LYN: variants seen among roughly 807,000 people sequenced by gnomAD.
The protein encoded by LYN is tyrosine-protein kinase Lyn.
In LYN, 12 loss-of-function variants were observed where a neutral mutation model predicts 65.0. The observed-to-expected ratio is 0.18, with a 90% confidence interval of 0.12 to 0.30. The LOEUF is 0.30. Ranked by LOEUF, LYN falls within the 10% of genes least tolerant of loss-of-function variation. The pLI, the probability that LYN is intolerant of heterozygous loss-of-function variation, is 1.00. For missense variants in LYN, 380 were observed against 623.2 expected, an observed-to-expected ratio of 0.61 and a Z score of 4.16; for synonymous variants, 222 against 221.2, an observed-to-expected ratio of 1.00 and a Z score of -0.03.
At chr8:55,909,703 T>C (rs1805543162) in intron 1 of LYN, among the ~76,000 whole-genome samples, 1 of 152,234 alleles carries the variant, frequency 6.6e-6, no homozygotes, top group Admixed American at 6.5e-5. Context: ...TTGTACTAAT[T>C]TGTATTCCCA....
At chr8:55,950,902 T>C in intron 6 of LYN, 118 bp downstream of exon 6, 1 of 703,158 alleles carries the variant, frequency 1.4e-6, no homozygotes, top group Non-Finnish European at 2.4e-6. Flanking sequence ...AGTAAAAGTT[T>C]TATGGTTTGA....
Position 56,011,521 on chromosome 8 carries a change from A to G in LYN, c.*1411A>G, listed in dbSNP as rs1250958304. On this transcript the variant is annotated 3_prime_UTR_variant, in exon 13 of 13. Transcript: ENST00000519728. ...GCCCAAGTTCTACCTCCTTCCTTTG[A>G]ACATTTCAGATTGGAGAACCAAGGA... The G allele has an allele frequency of 5.2e-6, 1 of 193,484 alleles. No homozygotes were observed. The highest frequency in any genetic ancestry group is 1.1e-5 in the Non-Finnish European group (1 of 92,934). The allele number at this position is 193,484 out of a possible 1,614,324, so 12.0% of individuals were successfully genotyped here.
At position 56,009,821 on chromosome 8, in the gene LYN, G is replaced by A. The variant is rs1040154178; in HGVS notation, c.1337-87G>A. 7 of 1,023,700 alleles carry A rather than the reference G, an allele frequency of 6.8e-6. No individual in the cohort carries two copies. The African/African-American group carries it at 9.6e-5, about 14-fold the overall frequency. 63.4% of individuals were successfully genotyped at this position (1,023,700 alleles called of 1,614,324 possible). A position where few individuals can be genotyped will look rare whatever the true frequency, so the allele number is the denominator to read the frequency against. On this transcript the variant is annotated intron_variant, in intron 12 of 12. Coordinates refer to ENST00000519728, the MANE Select transcript of LYN (RefSeq NM_002350.4). Reference sequence around the variant, plus strand: ...TTCAATCATGGTTACAGGATGTGAGGAGCAAAAAGACCACTGCAGTGCTTG... The same window carrying A: ...TTCAATCATGGTTACAGGATGTGAGAAGCAAAAAGACCACTGCAGTGCTTG...
Position 55,915,533 on chromosome 8 carries a change from C to T in LYN, c.-5-26322C>T, listed in dbSNP as rs183856481. Among the ~76,000 whole-genome samples the T allele has an allele frequency of 3.4e-3, 516 of 152,032 alleles. 3 individuals are homozygous for T. The highest frequency in any genetic ancestry group is 0.011 in the African/African-American group (470 of 41,450). On this transcript the variant is annotated intron_variant, in intron 1 of 12. Coordinates refer to ENST00000519728, the MANE Select transcript of LYN (RefSeq NM_002350.4). ...CAGCCTGGTCAACATGGTGAAACCC[C>T]GTCTCTACTAAAAATACAAAAAATT...
At chr8:55,909,042 CACACACA>C (rs1563504940) in intron 1 of LYN, among the ~76,000 whole-genome samples, 8 of 80,524 alleles carry the variant, frequency 9.9e-5, no homozygotes, top group East Asian at 7.8e-4. Flanking sequence ...CACACACACA[CACACACA>C]CACCCCACAT....
intron 1 of LYN, among the ~76,000 whole-genome samples, chr8:55,936,735 T>C (rs1806447632): frequency 6.6e-6 from 1 of 152,308 alleles, no homozygotes; most frequent in Admixed American, 6.5e-5. Context: ...TTAAAGACAA[T>C]GTATTGTATA....
intron 8 of LYN, among the ~76,000 whole-genome samples, chr8:55,956,794 G>A (rs1563528489): frequency 6.6e-6 from 1 of 152,148 alleles, no homozygotes; most frequent in Non-Finnish European, 1.5e-5. Context: ...TGAGAGTATT[G>A]GCAGGAAAAC....
At chr8:55,994,463 C>A (rs1431988698) in intron 10 of LYN, among the ~76,000 whole-genome samples, 1 of 152,178 alleles carries the variant, frequency 6.6e-6, no homozygotes, top group Non-Finnish European at 1.5e-5. Flanking sequence ...TTTTTAAATG[C>A]ACTCAGATTT....
At chr8:55,974,099 G>A (rs1046387692) in intron 10 of LYN, among the ~76,000 whole-genome samples, 10 of 152,152 alleles carry the variant, frequency 6.6e-5, no homozygotes, top group Non-Finnish European at 1.2e-4. Flanking sequence ...TACAGATAAC[G>A]AGGTAAACTT....
At chr8:56,008,104 G>C (rs1808719145) in intron 12 of LYN, among the ~76,000 whole-genome samples, 1 of 146,204 alleles carries the variant, frequency 6.8e-6, no homozygotes, top group African/African-American at 2.7e-5. Context: ...AGGTGAAAGA[G>C]GGAGACTCTG....
At chr8:55,890,805 A>G (rs1009702828) in intron 1 of LYN, among the ~76,000 whole-genome samples, 2 of 150,690 alleles carry the variant, frequency 1.3e-5, no homozygotes, top group Non-Finnish European at 2.9e-5. Context: ...ACAGCTCACT[A>G]TAGACTTGAC....
At chr8:55,902,858 T>A in intron 1 of LYN, 1 of 447,728 alleles carries the variant, frequency 2.2e-6, no homozygotes, top group South Asian at 1.6e-5. Flanking sequence ...ATGAGGCTTT[T>A]TTTTTTTGGA....
intron 10 of LYN, among the ~76,000 whole-genome samples, chr8:55,982,029 C>T (rs1807941806): frequency 6.6e-6 from 1 of 152,098 alleles, no homozygotes; most frequent in South Asian, 2.1e-4. Context: ...CGTGGCCTCT[C>T]CCTGGGCGCT....
chr8:55,992,067 A>G (rs1808265276), intron 10 of LYN, among the ~76,000 whole-genome samples: 1 of 152,154 alleles, frequency 6.6e-6, no homozygotes, highest in African/African-American at 2.4e-5. Flanking sequence ...TCTGAGACAG[A>G]GTTAGACATC....
intron 1 of LYN, among the ~76,000 whole-genome samples, chr8:55,913,130 A>C (rs1015622251): frequency 6.6e-5 from 10 of 152,178 alleles, no homozygotes; most frequent in African/African-American, 2.4e-4. Context: ...ACCTTTTTGC[A>C]AAAATCAAAA....
At chr8:55,914,021 A>G (rs538854031) in intron 1 of LYN, among the ~76,000 whole-genome samples, 1 of 152,220 alleles carries the variant, frequency 6.6e-6, no homozygotes, top group East Asian at 1.9e-4. Context: ...CAGGGGAGAG[A>G]TGAAATCATG....
Position 56,010,468 on chromosome 8 carries a change from T to C in LYN, c.*358T>C, listed in dbSNP as rs141070411. The C allele has an allele frequency of 2.3e-5, 7 of 306,532 alleles. No homozygotes were observed. Among genetic ancestry groups the C allele is most frequent in the African/African-American group, 1.2e-4 (6 of 48,048 alleles). 19.0% of individuals were successfully genotyped at this position (306,532 alleles called of 1,614,324 possible). ...ATAGGACTCAAAGTTTCAGAGACCA[T>C]TGCAATGAATCCCCAATAATTGCAG... On this transcript the variant is annotated 3_prime_UTR_variant, in exon 13 of 13. Coordinates refer to ENST00000519728, the MANE Select transcript of LYN (RefSeq NM_002350.4).
At chr8:55,899,996 C>T (rs763968605) in intron 1 of LYN, among the ~76,000 whole-genome samples, 1 of 151,722 alleles carries the variant, frequency 6.6e-6, no homozygotes. Flanking sequence ...AATGTCATGT[C>T]ACTGTACGAG....
chr8:55,978,987 G>A (rs777952110), intron 10 of LYN, among the ~76,000 whole-genome samples: 3 of 150,978 alleles, frequency 2.0e-5, no homozygotes, highest in Non-Finnish European at 1.5e-5. Context: ...CGCTCAGCAT[G>A]CCTCACTCTT....
Sources: allele counts gnomAD v4.1 joint callset (sites outside exome capture counted in the v4.1 genomes callset), GRCh38; gene constraint gnomAD v4.1.1; transcripts MANE v1.5; gene names NCBI Gene and HGNC (gene_info 2026-07-23, HGNC 2026-07-21).